MACROD2: variants seen among roughly 807,000 people sequenced by gnomAD.
MACROD2 encodes the protein mono-ADP ribosylhydrolase 2.
Under a neutral mutation model 70.4 loss-of-function variants are expected in MACROD2, and 36 were observed. The observed-to-expected ratio is 0.51, with a 90% CI of 0.39 to 0.68. MACROD2 has a LOEUF of 0.68. Ranked by LOEUF, MACROD2 falls within the 30% of genes least tolerant of loss-of-function variation. The pLI, the probability that MACROD2 is intolerant of heterozygous loss-of-function variation, is 0.00. For synonymous variants in MACROD2, 172 were observed against 178.8 expected, an observed-to-expected ratio of 0.96 and a Z score of 0.30; for missense variants, 496 against 538.4, an observed-to-expected ratio of 0.92 and a Z score of 0.78.
At chr20:15,777,185 A>C (rs966601354) in intron 8 of MACROD2, among the ~76,000 whole-genome samples, 2 of 152,154 alleles carry the variant, frequency 1.3e-5, no homozygotes, top group African/African-American at 4.8e-5. Context: ...TACAGCATAA[A>C]TATGTTGTAA....
chr20:14,164,403 C>T (rs554775285), intron 3 of MACROD2, among the ~76,000 whole-genome samples: 3 of 152,144 alleles, frequency 2.0e-5, no homozygotes, highest in Admixed American at 2.0e-4. Flanking sequence ...GCAGTGGGTC[C>T]AGAAAGGCCT....
chr20:14,610,022 T>C (rs1182845846), intron 4 of MACROD2, among the ~76,000 whole-genome samples: 1 of 152,170 alleles, frequency 6.6e-6, no homozygotes. Flanking sequence ...ACACTTTCTG[T>C]CTTTAAATTT....
At chr20:14,108,417 A>T (rs1371747869) in intron 3 of MACROD2, among the ~76,000 whole-genome samples, 2 of 151,938 alleles carry the variant, frequency 1.3e-5, no homozygotes, top group Non-Finnish European at 2.9e-5. Flanking sequence ...ATCAATAATA[A>T]CATTGAATGT....
chr20:15,243,781 C>T (rs979397571), intron 6 of MACROD2, among the ~76,000 whole-genome samples: 2 of 151,440 alleles, frequency 1.3e-5, no homozygotes, highest in African/African-American at 2.4e-5. Flanking sequence ...AGAAAATTAG[C>T]GGGGCGTAGT....
intron 5 of MACROD2, among the ~76,000 whole-genome samples, chr20:14,708,735 A>G (rs2071300521): frequency 1.3e-5 from 2 of 152,112 alleles, no homozygotes; most frequent in Non-Finnish European, 1.5e-5. Flanking sequence ...CTCCTGCCTC[A>G]GCCTCCCGAG....
intron 5 of MACROD2, among the ~76,000 whole-genome samples, chr20:15,120,991 C>G (rs897985291): frequency 1.3e-5 from 2 of 152,096 alleles, no homozygotes; most frequent in Non-Finnish European, 2.9e-5. Flanking sequence ...GATATTGATT[C>G]TTTTGGTCTT....
chr20:14,267,812 G>A (rs1233669587), intron 3 of MACROD2, among the ~76,000 whole-genome samples: 1 of 152,050 alleles, frequency 6.6e-6, no homozygotes, highest in Non-Finnish European at 1.5e-5. Flanking sequence ...CTTGGAAAGT[G>A]ATGACATGGA....
At chr20:15,799,767 C>T (rs970647699) in intron 8 of MACROD2, among the ~76,000 whole-genome samples, 4 of 152,162 alleles carry the variant, frequency 2.6e-5, no homozygotes, top group African/African-American at 9.7e-5. Flanking sequence ...GCAGGCATCC[C>T]TTTAAAATAT....
intron 8 of MACROD2, among the ~76,000 whole-genome samples, chr20:15,736,663 A>G (rs1285854378): frequency 6.6e-6 from 1 of 152,224 alleles, no homozygotes; most frequent in Admixed American, 6.5e-5. Flanking sequence ...AAAATATAAT[A>G]TAGTTGGCCC....
At chr20:15,289,529 A>T (rs2077522686) in intron 6 of MACROD2, among the ~76,000 whole-genome samples, 1 of 152,204 alleles carries the variant, frequency 6.6e-6, no homozygotes, top group African/African-American at 2.4e-5. Context: ...TCGGGGCTAG[A>T]GTGGTTCGCA....
chr20:15,841,779 C>T (rs2064173425), intron 8 of MACROD2, among the ~76,000 whole-genome samples: 1 of 152,030 alleles, frequency 6.6e-6, no homozygotes, highest in East Asian at 1.9e-4. Flanking sequence ...GGCTGTGGTG[C>T]TTGACTAGAA....
At chr20:15,821,833 G>A (rs2063941687) in intron 8 of MACROD2, among the ~76,000 whole-genome samples, 1 of 152,122 alleles carries the variant, frequency 6.6e-6, no homozygotes, top group Non-Finnish European at 1.5e-5. Context: ...TGGCTTTTGG[G>A]ATCCAAGGGG....
intron 8 of MACROD2, among the ~76,000 whole-genome samples, chr20:15,535,516 C>T (rs2047862590): frequency 6.6e-6 from 1 of 152,192 alleles, no homozygotes; most frequent in South Asian, 2.1e-4. Context: ...TACCGTTTTA[C>T]ACTATGATAT....
intron 3 of MACROD2, among the ~76,000 whole-genome samples, chr20:14,341,944 G>C (rs182703695): frequency 1.3e-5 from 2 of 152,240 alleles, no homozygotes; most frequent in Non-Finnish European, 2.9e-5. Context: ...GGCAGCTCTG[G>C]GATTTCCTCT....
intron 8 of MACROD2, among the ~76,000 whole-genome samples, chr20:15,624,111 C>G (rs1272855675): frequency 6.6e-6 from 1 of 152,160 alleles, no homozygotes; most frequent in Non-Finnish European, 1.5e-5. Context: ...TCGAGAGCCC[C>G]TGGCAAACCA....
chr20:15,094,251 G>T (rs1411782440), intron 5 of MACROD2, among the ~76,000 whole-genome samples: 2 of 151,954 alleles, frequency 1.3e-5, no homozygotes, highest in Non-Finnish European at 2.9e-5. Context: ...ATAATACTTT[G>T]ATGTACTTAT....
chr20:15,125,082 C>T (rs146004407), intron 5 of MACROD2, among the ~76,000 whole-genome samples: 3 of 151,874 alleles, frequency 2.0e-5, no homozygotes, highest in East Asian at 1.9e-4. Context: ...ACTATTATAC[C>T]GCTTTTGTGA....
At chr20:14,775,406 C>G (rs1041418600) in intron 5 of MACROD2, among the ~76,000 whole-genome samples, 1 of 151,996 alleles carries the variant, frequency 6.6e-6, no homozygotes, top group Non-Finnish European at 1.5e-5. Flanking sequence ...CTTGTAGAAG[C>G]TTACAATCAT....
intron 4 of MACROD2, among the ~76,000 whole-genome samples, chr20:14,494,376 T>G (rs1248807528): frequency 6.6e-6 from 1 of 152,112 alleles, no homozygotes; most frequent in Non-Finnish European, 1.5e-5. Flanking sequence ...TAATTTTTAT[T>G]TGGAAATTAA....
Sources: allele counts gnomAD v4.1 joint callset (sites outside exome capture counted in the v4.1 genomes callset), GRCh38; gene constraint gnomAD v4.1.1; transcripts MANE v1.5; gene names NCBI Gene and HGNC (gene_info 2026-07-23, HGNC 2026-07-21).